The following MAGI2 variants were observed in gnomAD, a reference collection of about 807,000 sequenced individuals.
The protein encoded by MAGI2 is membrane-associated guanylate kinase, WW and PDZ domain-containing protein 2.
In MAGI2, 35 loss-of-function variants were observed where a neutral mutation model predicts 133.3. The ratio of observed to expected loss-of-function variants is 0.26; its 90% CI spans 0.20 to 0.35. MAGI2 has a LOEUF of 0.35. Among genes scored for constraint, MAGI2 ranks in the 10% least tolerant of loss-of-function variants. MAGI2 has a pLI of 1.00. For missense variants in MAGI2, 1,636 were observed against 1,863.4 expected (o/e 0.88, Z 2.25); for synonymous variants, 729 against 710.6 (o/e 1.03, Z -0.41).
intron 2 of MAGI2, among the ~76,000 whole-genome samples, chr7:78,769,486 A>T (rs1585356481): frequency 7.6e-6 from 1 of 131,956 alleles, no homozygotes; most frequent in Non-Finnish European, 1.6e-5. Context: ...CTGAAGTAAA[A>T]CCGTCACCAC....
At chr7:78,253,371 T>C (rs547835650) in intron 10 of MAGI2, 136 of 152,302 alleles carry the variant, frequency 8.9e-4, no homozygotes, top group Middle Eastern at 6.8e-3. Flanking sequence ...GAAAGCATAT[T>C]AGTGGTTACC....
intron 1 of MAGI2, among the ~76,000 whole-genome samples, chr7:79,442,991 G>T (rs1365499230): frequency 6.6e-6 from 1 of 152,072 alleles, no homozygotes; most frequent in Non-Finnish European, 1.5e-5. Flanking sequence ...AGATCAGAAG[G>T]CTGGGCATGG....
At chr7:79,372,177 C>T (rs888051586) in intron 1 of MAGI2, among the ~76,000 whole-genome samples, 2 of 151,972 alleles carry the variant, frequency 1.3e-5, no homozygotes, top group Admixed American at 6.6e-5. Flanking sequence ...GGGAGATTTC[C>T]GGGGCAGGGC....
rs568450513 is a variant in MAGI2 at position 78,912,748 on chromosome 7, C to T, written c.418+94342G>A. Among the ~76,000 whole-genome samples, 582 of 142,690 alleles carry T rather than the reference C, an allele frequency of 4.1e-3. 7 individuals are homozygous for T. The highest frequency in any genetic ancestry group is 0.015 in the African/African-American group (564 of 38,296). 93.6% of individuals were successfully genotyped at this position (142,690 alleles called of 152,430 possible). A position where few individuals can be genotyped will look rare whatever the true frequency, so the allele number is the denominator to read the frequency against. On this transcript the variant is annotated intron_variant, in intron 2 of 21. Transcript: ENST00000354212. ...ATATATCATTCATATATATATCATT[C>T]ATATATATATATATCATTCATATAT...
intron 12 of MAGI2, among the ~76,000 whole-genome samples, chr7:78,189,014 C>T (rs564368573): frequency 4.0e-4 from 61 of 152,224 alleles, no homozygotes; most frequent in Non-Finnish European, 7.5e-4. Context: ...GTGAATAATA[C>T]GATTACAGTA....
chr7:78,613,658 G>T (rs1806724213), intron 3 of MAGI2, among the ~76,000 whole-genome samples: 1 of 152,154 alleles, frequency 6.6e-6, no homozygotes, highest in African/African-American at 2.4e-5. Flanking sequence ...AATTGTGAGA[G>T]AATGGCAACA....
chr7:78,627,005 T>A, intron 3 of MAGI2, 115 bp downstream of exon 3: 1 of 1,030,930 alleles, frequency 9.7e-7, no homozygotes, highest in Non-Finnish European at 1.3e-6. Flanking sequence ...ACTCATCTTA[T>A]TAAAGCTCTC....
At chr7:79,371,092 T>C (rs1268916247) in intron 1 of MAGI2, among the ~76,000 whole-genome samples, 6 of 152,116 alleles carry the variant, frequency 3.9e-5, no homozygotes, top group Non-Finnish European at 8.8e-5. Context: ...TTTAAGGAAG[T>C]CTTCCCCGAT....
At chr7:78,908,000 T>C (rs906317490) in intron 2 of MAGI2, among the ~76,000 whole-genome samples, 5 of 152,146 alleles carry the variant, frequency 3.3e-5, no homozygotes, top group African/African-American at 4.8e-5. Flanking sequence ...AAAACAAATG[T>C]TCTAAAGAAA....
intron 10 of MAGI2, among the ~76,000 whole-genome samples, chr7:78,226,520 G>C (rs1789405066): frequency 6.6e-6 from 1 of 152,158 alleles, no homozygotes; most frequent in Non-Finnish European, 1.5e-5. Context: ...CAGCGAATGA[G>C]ACCTTTTTCA....
intron 21 of MAGI2, among the ~76,000 whole-genome samples, chr7:78,070,632 A>G (rs534835935): frequency 0.024 from 2,530 of 105,972 alleles, 75 homozygotes; most frequent in African/African-American, 0.078. Context: ...GTGTGTGTGT[A>G]TATATATATA....
intron 3 of MAGI2, among the ~76,000 whole-genome samples, chr7:78,529,724 C>T (rs1282320919): frequency 2.0e-5 from 2 of 101,046 alleles, no homozygotes; most frequent in African/African-American, 3.8e-5. Flanking sequence ...ACTGTGTTGG[C>T]CAGGCTGGTC....
intron 1 of MAGI2, among the ~76,000 whole-genome samples, chr7:79,431,870 G>A (rs1847801787): frequency 6.6e-6 from 1 of 152,324 alleles, no homozygotes; most frequent in Non-Finnish European, 1.5e-5. Flanking sequence ...GGTTAAGGGT[G>A]TAGACTTTTA....
At chr7:78,748,624 A>G (rs1394041238) in intron 2 of MAGI2, among the ~76,000 whole-genome samples, 1 of 152,208 alleles carries the variant, frequency 6.6e-6, no homozygotes, top group African/African-American at 2.4e-5. Flanking sequence ...GGGTAGCTGG[A>G]CATGACATTA....
intron 18 of MAGI2, among the ~76,000 whole-genome samples, chr7:78,130,541 T>C (rs1026036177): frequency 6.6e-6 from 1 of 152,172 alleles, no homozygotes; most frequent in Non-Finnish European, 1.5e-5. Context: ...CATCTTTAAA[T>C]GCAATTGGGA....
chr7:78,846,706 A>T (rs1792644591), intron 2 of MAGI2, among the ~76,000 whole-genome samples: 1 of 151,994 alleles, frequency 6.6e-6, no homozygotes, highest in African/African-American at 2.4e-5. Flanking sequence ...TGCAAAAACG[A>T]ATCAGTTATT....
intron 11 of MAGI2, chr7:78,197,862 A>T (rs1828874276): frequency 6.6e-6 from 1 of 152,498 alleles, no homozygotes; most frequent in Non-Finnish European, 1.5e-5. Flanking sequence ...ACCATGGGAC[A>T]AACCACCTGC....
At chr7:78,280,465 C>T (rs1795454897) in intron 9 of MAGI2, among the ~76,000 whole-genome samples, 1 of 152,080 alleles carries the variant, frequency 6.6e-6, no homozygotes, top group Non-Finnish European at 1.5e-5. Context: ...TTTCAGAATT[C>T]CTGGCAGCTG....
intron 2 of MAGI2, among the ~76,000 whole-genome samples, chr7:78,812,955 A>G (rs1057334309): frequency 5.3e-5 from 8 of 152,216 alleles, no homozygotes; most frequent in African/African-American, 1.9e-4. Flanking sequence ...AGAGCTCACC[A>G]TAAAAATACA....
Sources: allele counts gnomAD v4.1 joint callset (sites outside exome capture counted in the v4.1 genomes callset), GRCh38; gene constraint gnomAD v4.1.1; transcripts MANE v1.5; gene names NCBI Gene and HGNC (gene_info 2026-07-23, HGNC 2026-07-21).